UACA: variants seen among roughly 807,000 people sequenced by gnomAD.
The protein encoded by UACA is uveal autoantigen with coiled-coil domains and ankyrin repeats.
UACA carries 112 observed loss-of-function variants against 160.5 expected under a neutral mutation model. That is an observed-to-expected ratio of 0.70 (90% CI 0.60 to 0.82). The LOEUF (loss-of-function observed/expected upper bound fraction) is 0.82. Among genes scored for constraint, UACA ranks in the 40% least tolerant of loss-of-function variants. The probability of loss-of-function intolerance (pLI) is 0.00; values close to 1 mark genes in which losing one functional copy is unlikely to be tolerated. For synonymous variants in UACA, 557 were observed against 568.4 expected, an observed-to-expected ratio of 0.98 and a Z score of 0.29; for missense variants, 1,574 against 1,614.6, an observed-to-expected ratio of 0.97 and a Z score of 0.43.
chr15:70,762,015 A>G (rs1278624353), intron 1 of UACA, among the ~76,000 whole-genome samples: 1 of 152,202 alleles, frequency 6.6e-6, no homozygotes, highest in Non-Finnish European at 1.5e-5. Context: ...ATGAACTCCA[A>G]TATCACTAAA....
chr15:70,740,813 G>A lies in UACA; in HGVS notation c.78+22517C>T, dbSNP rs150773151. ...TCCCAGCACTTTAGGAGGCCCAGGC[G>A]GGCAGATCACAAAGTCAGGAGTTTG... On this transcript the variant is annotated intron_variant, in intron 1 of 18. Coordinates refer to ENST00000322954, the MANE Select transcript of UACA (RefSeq NM_018003.4). Among the ~76,000 whole-genome samples the A allele has an allele frequency of 9.7e-3, 1,477 of 152,098 alleles. 27 individuals carry two copies. The highest frequency in any genetic ancestry group is 0.033 in the African/African-American group (1,373 of 41,486).
At chr15:70,743,546 C>A (rs1366119264) in intron 1 of UACA, among the ~76,000 whole-genome samples, 1 of 152,058 alleles carries the variant, frequency 6.6e-6, no homozygotes, top group Admixed American at 6.6e-5. Context: ...ACTTCCAGTC[C>A]TAAAATTCTA....
At chr15:70,708,259 G>A (rs1271464476) in intron 1 of UACA, among the ~76,000 whole-genome samples, 1 of 152,130 alleles carries the variant, frequency 6.6e-6, no homozygotes, top group African/African-American at 2.4e-5. Context: ...GTAAATATCA[G>A]GGCTGTGGCA....
rs889561353 is a variant in UACA, at chr15:70,656,023, C to T, written c.*1033G>A. 3 of 152,120 alleles carry T rather than the reference C, an allele frequency of 2.0e-5. No homozygotes were observed. The allele number at this position is 152,120 out of a possible 1,614,324, so 9.4% of individuals were successfully genotyped here. A position where few individuals can be genotyped will look rare whatever the true frequency, so the allele number is the denominator to read the frequency against. On this transcript the variant is annotated 3_prime_UTR_variant, in exon 19 of 19. Transcript: ENST00000322954. ...AGAGTATTTACTATAAACATGTCCA[C>T]TTATGTTATTTTATTGCTATCTATA...
At position 70,668,360 on chromosome 15, in the gene UACA, T is replaced by C. The variant is rs746153669; in HGVS notation, c.2324A>G (p.Tyr775Cys). 8.7e-6 allele frequency: 14 copies of C among 1,608,062 alleles called. No individual in the cohort carries two copies. The South Asian group carries it at 9.0e-5, about 10-fold the overall frequency. ...CTCCATTTCCAACTTCTTTTCTGTA[T>C]ATTTTTGTGTTACATCTAAAAGCTT... ...NRKLLDVTQK[Y>C]TEKKLEMEKL... Residue 775 changes from tyrosine (Y) to cysteine (C), a missense_variant, in exon 16 of 19, where the codon TAT becomes TGT. Transcript: ENST00000322954.
chr15:70,700,316 TATAC>T (rs1898305200), intron 1 of UACA, among the ~76,000 whole-genome samples: 3 of 142,640 alleles, frequency 2.1e-5, no homozygotes, highest in South Asian at 2.1e-4. Flanking sequence ...TATATATATA[TATAC>T]ACACACACAC....
intron 1 of UACA, among the ~76,000 whole-genome samples, chr15:70,737,024 G>A (rs1024318569): frequency 1.3e-5 from 2 of 152,084 alleles, no homozygotes; most frequent in African/African-American, 2.4e-5. Context: ...AGGGTGTCTC[G>A]TATCCATCCT....
chr15:70,761,944 C>A (rs2030783940), intron 1 of UACA, among the ~76,000 whole-genome samples: 1 of 152,138 alleles, frequency 6.6e-6, no homozygotes, highest in Admixed American at 6.5e-5. Context: ...AATCTAGAAA[C>A]TTGTATCTTC....
chr15:70,691,925 A>G (rs1248991950), intron 3 of UACA, among the ~76,000 whole-genome samples: 1 of 152,202 alleles, frequency 6.6e-6, no homozygotes, highest in Non-Finnish European at 1.5e-5. Flanking sequence ...TAAAATGTGC[A>G]TTTTAAAGGA....
the UACA span, among the ~76,000 whole-genome samples, chr15:70,771,200 G>A: frequency 6.6e-6 from 1 of 152,206 alleles, no homozygotes. Context: ...TGACAACAAA[G>A]GGAGGAAATC....
chr15:70,773,564 CAGTT>C, the UACA span, among the ~76,000 whole-genome samples: 39 of 152,200 alleles, frequency 2.6e-4, no homozygotes, highest in Non-Finnish European at 4.7e-4. Context: ...TTTGATCCCT[CAGTT>C]AGGAGCTTGG....
At chr15:70,749,143 T>G (rs1899801486) in intron 1 of UACA, 1 of 393,738 alleles carries the variant, frequency 2.5e-6, no homozygotes, top group Admixed American at 2.9e-5. Context: ...ATGTTAACTT[T>G]CGGATCTAAG....
chr15:70,703,373 C>A, intron 1 of UACA: 1 of 903,316 alleles, frequency 1.1e-6, no homozygotes, highest in Non-Finnish European at 1.5e-6. Context: ...CTATGTACTT[C>A]CACAAGAAAT....
rs533405767 is a variant in UACA, at chr15:70,667,637, T to C, written c.3047A>G (p.Tyr1016Cys). 8.7e-6 allele frequency: 14 copies of C among 1,613,008 alleles called. No homozygotes were observed. The highest frequency in any genetic ancestry group is 4.4e-5 in the South Asian group (4 of 91,010). Residue 1016 changes from tyrosine (Y) to cysteine (C), a missense_variant, in exon 16 of 19, where the codon TAT becomes TGT. By Grantham distance (194) the Tyr-to-Cys change is radical. Coordinates refer to ENST00000322954, the MANE Select transcript of UACA (RefSeq NM_018003.4). Reference sequence around the variant, plus strand: ...CTTGACTTCTTCTTCACTGACACTATACTTTTGTGTCTGCTCTGATAACTG... The same window carrying C: ...CTTGACTTCTTCTTCACTGACACTACACTTTTGTGTCTGCTCTGATAACTG... ...KDQLSEQTQK[Y>C]SVSEEEVKKN...
At position 70,667,794 on chromosome 15, in the gene UACA, G is replaced by T. The variant is rs867743924; in HGVS notation, c.2890C>A (p.His964Asn). The part of the protein sequence containing the change: ...RKGQEEIVTL[H>N]AEIKAQKKEL... ...TTCTTCTGGGCTTTAATTTCGGCAT[G>T]CAGTGTCACAATCTCTTCTTGGCCT... Residue 964 changes from histidine to asparagine, a missense_variant, in exon 16 of 19, where the codon CAT (histidine) becomes AAT (asparagine). His to Asn is a moderately conservative substitution (Grantham distance 68, BLOSUM62 1). Coordinates refer to ENST00000322954, the MANE Select transcript of UACA (RefSeq NM_018003.4). The T allele has an allele frequency of 6.2e-7, 1 of 1,613,992 alleles. No homozygotes were observed. The highest frequency in any genetic ancestry group is 1.1e-5 in the South Asian group (1 of 91,070).
chr15:70,767,301 C>A (rs1482745873), upstream of UACA, among the ~76,000 whole-genome samples: 2 of 148,394 alleles, frequency 1.3e-5, no homozygotes, highest in Non-Finnish European at 3.0e-5. Flanking sequence ...AAAGAATCCA[C>A]ACACAGGCCG....
chr15:70,670,536 T>C (rs532056296), intron 15 of UACA, among the ~76,000 whole-genome samples: 13 of 152,232 alleles, frequency 8.5e-5, no homozygotes, highest in African/African-American at 3.1e-4. Context: ...AAACTTCCCT[T>C]GGTCTCTCCC....
chr15:70,769,754 T>C, the UACA span, among the ~76,000 whole-genome samples: 5 of 152,166 alleles, frequency 3.3e-5, no homozygotes, highest in Non-Finnish European at 7.4e-5. Context: ...CCCAGCATTT[T>C]GGGAGGCTGT....
At chr15:70,707,590 T>A (rs1898558000) in intron 1 of UACA, among the ~76,000 whole-genome samples, 1 of 151,882 alleles carries the variant, frequency 6.6e-6, no homozygotes, top group Admixed American at 6.6e-5. Context: ...ACAACAAAGA[T>A]TTTAAAATGG....
Sources: allele counts gnomAD v4.1 joint callset (sites outside exome capture counted in the v4.1 genomes callset), GRCh38; gene constraint gnomAD v4.1.1; transcripts MANE v1.5; gene names NCBI Gene and HGNC (gene_info 2026-07-23, HGNC 2026-07-21).